FOCAD: variants seen among roughly 807,000 people sequenced by gnomAD.
FOCAD encodes the protein KIAA1797.
In FOCAD, 198 loss-of-function variants were observed where a neutral mutation model predicts 225.6. The observed-to-expected ratio is 0.88, with a 90% CI of 0.78 to 0.99. The LOEUF (loss-of-function observed/expected upper bound fraction) is 0.99, where lower values mean the gene tolerates loss of function less well. FOCAD is among the 50% of genes least tolerant of loss of function. The pLI is 0.00. For synonymous variants in FOCAD, 897 were observed against 755.0 expected (o/e 1.19, Z -3.08); for missense variants, 2,713 against 2,123.6 (o/e 1.28, Z -5.46).
intron 15 of FOCAD, among the ~76,000 whole-genome samples, chr9:20,833,324 A>G (rs1001035177): frequency 2.0e-5 from 3 of 152,068 alleles, no homozygotes; most frequent in African/African-American, 7.2e-5. Flanking sequence ...TTATTATAAT[A>G]AGGATGTTTG....
intron 42 of FOCAD, among the ~76,000 whole-genome samples, chr9:20,992,372 G>A (rs141823113): frequency 4.6e-5 from 7 of 152,072 alleles, no homozygotes; most frequent in African/African-American, 1.4e-4. Flanking sequence ...CTCATCTACA[G>A]AAACATATTT....
intron 24 of FOCAD, among the ~76,000 whole-genome samples, chr9:20,917,783 A>C (rs549241543): frequency 8.0e-4 from 122 of 152,242 alleles, no homozygotes; most frequent in African/African-American, 2.9e-3. Context: ...AGCTAAATAG[A>C]TTTTGCCTTA....
chr9:20,719,778 CTT>C (rs34384301), intron 3 of FOCAD, among the ~76,000 whole-genome samples: 567 of 62,110 alleles, frequency 9.1e-3, no homozygotes, highest in African/African-American at 0.036. Flanking sequence ...TTTTCCTAGG[CTT>C]TTTTTTTTTT....
At chr9:20,790,825 A>G (rs1199715603) in intron 11 of FOCAD, among the ~76,000 whole-genome samples, 1 of 152,174 alleles carries the variant, frequency 6.6e-6, no homozygotes. Context: ...ATTCCTTTTT[A>G]ACCTCAAATT....
chr9:20,933,047 G>A lies in FOCAD; in HGVS notation c.3351G>A (p.Leu1117=). 2 of 1,613,946 alleles carry A rather than the reference G, an allele frequency of 1.2e-6. No homozygotes were observed. Among genetic ancestry groups the A allele is most frequent in the Non-Finnish European group, 1.7e-6 (2 of 1,179,898 alleles). The change falls in exon 28 of 44, where the codon CTG becomes CTA. Residue 1117 remains leucine, a synonymous_variant. Coordinates refer to ENST00000338382, the MANE Select transcript of FOCAD (RefSeq NM_001375567.1). ...CTGGCCAAGAGATGAACCTTCTTCT[G>A]ATGAAGTCGTTGGATGCCCTGGAAA... ...DISGQEMNLL[L]MKSLDALENC...
At position 20,885,145 on chromosome 9, in the gene FOCAD, A is replaced by G; in HGVS notation, c.2540A>G (p.Gln847Arg). The change falls in exon 21 of 44, where the codon CAG (glutamine) becomes CGG (arginine). Residue 847 changes from glutamine (Q) to arginine (R), a missense_variant. By Grantham distance (43) the Gln-to-Arg change is conservative (BLOSUM62 1). Transcript: ENST00000338382. ...TTTTGCTATGATGTTTCCATGTATC[A>G]GAGTAAAGATGGAAAACCATTGAAC... ...MLFCYDVSMY[Q>R]SKDGKPLNRL... is the part of the protein sequence containing the mutation. 1.3e-6 allele frequency: 2 copies of G among 1,529,456 alleles called. No homozygotes were observed. Among genetic ancestry groups the G allele is most frequent in the Non-Finnish European group, 8.8e-7 (1 of 1,136,332 alleles). The allele number at this position is 1,529,456 out of a possible 1,614,324, so 94.7% of individuals were successfully genotyped here. A position where few individuals can be genotyped will look rare whatever the true frequency, so the allele number is the denominator to read the frequency against.
intron 4 of FOCAD, among the ~76,000 whole-genome samples, chr9:20,738,998 A>T (rs1827377892): frequency 6.6e-6 from 1 of 152,154 alleles, no homozygotes; most frequent in African/African-American, 2.4e-5. Flanking sequence ...CTGAATTTGG[A>T]CTAACCATAT....
chr9:20,857,601 G>A lies in FOCAD; in HGVS notation c.1921-4977G>A, dbSNP rs183085565. Among the ~76,000 whole-genome samples the A allele has an allele frequency of 2.4e-4, 37 of 151,604 alleles. No homozygotes were observed. In the East Asian group the frequency reaches 5.2e-3, roughly 21 times the overall value. On this transcript the variant is annotated intron_variant, in intron 15 of 43. Coordinates refer to ENST00000338382, the MANE Select transcript of FOCAD (RefSeq NM_001375567.1). ...CCTTTCTTTCTTTTGCTTGATTGCT[G>A]TAGCTAGGATTTTCTGTATTATGTT...
intron 11 of FOCAD, among the ~76,000 whole-genome samples, chr9:20,819,157 T>TTACA (rs1444816380): frequency 6.6e-6 from 1 of 152,170 alleles, no homozygotes; most frequent in Non-Finnish European, 1.5e-5. Flanking sequence ...ATTTTATTGT[T>TTACA]TACATACCTT....
At chr9:20,855,463 A>C (rs1276792984) in intron 15 of FOCAD, among the ~76,000 whole-genome samples, 2 of 151,568 alleles carry the variant, frequency 1.3e-5, no homozygotes, top group East Asian at 3.9e-4. Context: ...AAATTAAAAA[A>C]ATTTAGTTAT....
intron 30 of FOCAD, 96 bp downstream of exon 30, chr9:20,946,916 T>C: frequency 6.8e-7 from 1 of 1,474,352 alleles, no homozygotes; most frequent in South Asian, 1.3e-5. Context: ...TAATGGGATA[T>C]TTTTCATGTC....
chr9:20,820,377 A>G lies in FOCAD; in HGVS notation c.1614A>G (p.Arg538=), dbSNP rs754380012. ...TACAACTACTTGGAACCACACCACG[A>G]CTAAGAGCTGTCACTTTGCGCTTGC... is the stretch of plus-strand genomic sequence containing the variant. ...RIIQLLGTTP[R]LRAVTLRLLT... is the part of the protein sequence containing the mutation. The change falls in exon 13 of 44, where the codon CGA becomes CGG. Residue 538 remains arginine, a synonymous_variant. Transcript: ENST00000338382. 1.2e-6 allele frequency: 2 copies of G among 1,612,970 alleles called. No individual in the cohort carries two copies. The highest frequency in any genetic ancestry group is 2.2e-5 in the South Asian group (2 of 91,044).
At chr9:20,827,468 G>C (rs1313687927) in intron 15 of FOCAD, among the ~76,000 whole-genome samples, 1 of 151,910 alleles carries the variant, frequency 6.6e-6, no homozygotes, top group African/African-American at 2.4e-5. Flanking sequence ...GCCACTAACA[G>C]ACAAATGGAT....
intron 29 of FOCAD, among the ~76,000 whole-genome samples, chr9:20,945,718 T>A (rs1837105122): frequency 6.6e-6 from 1 of 152,256 alleles, no homozygotes; most frequent in Admixed American, 6.5e-5. Context: ...AATGTTTTTA[T>A]AACTGATGCA....
At chr9:20,895,538 C>A (rs1311222095) in intron 21 of FOCAD, among the ~76,000 whole-genome samples, 2 of 151,628 alleles carry the variant, frequency 1.3e-5, no homozygotes, top group East Asian at 3.9e-4. Context: ...TATATACACA[C>A]ACATATATAT....
At chr9:20,701,080 C>G (rs920796818) in intron 1 of FOCAD, among the ~76,000 whole-genome samples, 7 of 152,194 alleles carry the variant, frequency 4.6e-5, no homozygotes, top group African/African-American at 1.7e-4. Context: ...GATTATAACC[C>G]TCTCAGAGCT....
At chr9:20,859,897 A>T (rs931535982) in intron 15 of FOCAD, among the ~76,000 whole-genome samples, 12 of 151,968 alleles carry the variant, frequency 7.9e-5, no homozygotes, top group Non-Finnish European at 1.8e-4. Flanking sequence ...GGTTGCCTAG[A>T]TTTGAGGAGC....
rs148551852 is a variant in FOCAD at position 20,789,663 on chromosome 9, T to C, written c.1455+55T>C. 2.0e-3 allele frequency: 3,168 copies of C among 1,589,808 alleles called. 92 individuals are homozygous for C. In the East Asian group the frequency reaches 0.056, roughly 28 times the overall value. Reference sequence around the variant, plus strand: ...GAGAGGAAAGCTTAATCATTGGAAATGTAGATTATTCCTGCTTTGTGGATT... The same window carrying C: ...GAGAGGAAAGCTTAATCATTGGAAACGTAGATTATTCCTGCTTTGTGGATT... On this transcript the variant is annotated intron_variant, in intron 11 of 43. Transcript: ENST00000338382.
intron 42 of FOCAD, among the ~76,000 whole-genome samples, chr9:20,990,604 G>A (rs1301962803): frequency 2.0e-5 from 3 of 151,450 alleles, no homozygotes; most frequent in African/African-American, 4.9e-5. Flanking sequence ...CTGGGAGTGA[G>A]GTGGAGGAAA....
Sources: allele counts gnomAD v4.1 joint callset (sites outside exome capture counted in the v4.1 genomes callset), GRCh38; gene constraint gnomAD v4.1.1; transcripts MANE v1.5; gene names NCBI Gene and HGNC (gene_info 2026-07-23, HGNC 2026-07-21).